Variants in DNAI7 observed in about 807,000 individuals in gnomAD.
DNAI7 encodes the protein cancer susceptibility 1.
Under a neutral mutation model 86.6 loss-of-function variants are expected in DNAI7, and 78 were observed. That is an observed-to-expected ratio of 0.90 (90% CI 0.75 to 1.09). DNAI7 has a LOEUF of 1.09. Among genes scored for constraint, DNAI7 ranks in the 50% least tolerant of loss-of-function variants. The pLI, the probability that DNAI7 is intolerant of heterozygous loss-of-function variation, is 0.00. For synonymous variants in DNAI7, 274 were observed against 273.0 expected (o/e 1.00, Z -0.04); for missense variants, 753 against 810.2 (o/e 0.93, Z 0.86).
At chr12:25,160,754 G>A (rs569568515) in intron 3 of DNAI7, among the ~76,000 whole-genome samples, 8 of 152,076 alleles carry the variant, frequency 5.3e-5, no homozygotes, top group Non-Finnish European at 1.0e-4. Flanking sequence ...TTTTATATTC[G>A]AGTGCTATTT....
In DNAI7 at chr12:25,174,489, C is replaced by CCCATATATATGGGATATATATATCAT. The variant is rs1948634507; in HGVS notation, c.22-13293_22-13292insATGATATATATATCCCATATATATGG. ...TATCATATATATGGGATATATATAT[C>CCCATATATATGGGATATATATATCAT]ATATATCCCATATATATGGGATATA... On this transcript the variant is annotated intron_variant, in intron 2 of 15. Coordinates refer to ENST00000395987, the MANE Select transcript of DNAI7 (RefSeq NM_018272.5). Among the ~76,000 whole-genome samples the CCCATATATATGGGATATATATATCAT allele has an allele frequency of 1.5e-3, 21 of 14,086 alleles. 6 individuals are homozygous for CCCATATATATGGGATATATATATCAT. Among genetic ancestry groups the CCCATATATATGGGATATATATATCAT allele is most frequent in the Admixed American group, 3.3e-3 (3 of 896 alleles). The allele number at this position is 14,086 out of a possible 152,430, so 9.2% of individuals were successfully genotyped here. A position where few individuals can be genotyped will look rare whatever the true frequency, so the allele number is the denominator to read the frequency against.
At chr12:25,174,660 A>C (rs1261249917) in intron 2 of DNAI7, among the ~76,000 whole-genome samples, 1 of 134,510 alleles carries the variant, frequency 7.4e-6, no homozygotes, top group African/African-American at 2.8e-5. Flanking sequence ...TAGATATCAT[A>C]TATATGGAAT....
At chr12:25,134,406 G>A (rs527465505) in intron 9 of DNAI7, among the ~76,000 whole-genome samples, 1 of 121,068 alleles carries the variant, frequency 8.3e-6, no homozygotes, top group South Asian at 2.7e-4. Context: ...GCCCAGGCTA[G>A]AGTGCAGCGG....
chr12:25,120,757 C>G (rs895964244), intron 11 of DNAI7, among the ~76,000 whole-genome samples: 12 of 152,006 alleles, frequency 7.9e-5, no homozygotes, highest in African/African-American at 2.7e-4. Flanking sequence ...ATAAATAAAC[C>G]AAGTCAATAA....
chr12:25,114,464 A>G (rs532048460), intron 13 of DNAI7, among the ~76,000 whole-genome samples, 192 bp downstream of exon 13: 1 of 152,282 alleles, frequency 6.6e-6, no homozygotes, highest in East Asian at 1.9e-4. Flanking sequence ...TTTACATGTT[A>G]TTGCCTATTT....
intron 2 of DNAI7, among the ~76,000 whole-genome samples, chr12:25,172,085 T>G (rs1249112990): frequency 6.6e-6 from 1 of 152,106 alleles, no homozygotes; most frequent in Non-Finnish European, 1.5e-5. Flanking sequence ...ACCACTCCTC[T>G]TCAACATGGT....
chr12:25,129,280 TTTC>T (rs376146992), intron 9 of DNAI7, among the ~76,000 whole-genome samples: 213 of 152,300 alleles, frequency 1.4e-3, no homozygotes, highest in African/African-American at 4.9e-3. Context: ...TTTTCTACTT[TTTC>T]TTATTTATTG....
chr12:25,124,465 G>C (rs907977024), intron 9 of DNAI7, among the ~76,000 whole-genome samples: 1 of 152,002 alleles, frequency 6.6e-6, no homozygotes, highest in African/African-American at 2.4e-5. Flanking sequence ...AGGGAAGCAA[G>C]TAAACAAATG....
chr12:25,122,726 T>C (rs1474936740), intron 10 of DNAI7, among the ~76,000 whole-genome samples: 3 of 152,184 alleles, frequency 2.0e-5, no homozygotes, highest in African/African-American at 7.2e-5. Flanking sequence ...CCCAGAAGTG[T>C]TGCGAGATTT....
rs544935232 is a variant in DNAI7 at position 25,139,110 on chromosome 12, A to C, written c.1002+5255T>G. ...GCACACAAACCAGAAAACTTAAAGG[A>C]GATGAATAGATTCCTGGAAATATAC... On this transcript the variant is annotated intron_variant, in intron 9 of 15. Coordinates refer to ENST00000395987, the MANE Select transcript of DNAI7 (RefSeq NM_018272.5). Among the ~76,000 whole-genome samples, 3 of 152,216 alleles carry C rather than the reference A, an allele frequency of 2.0e-5. No homozygotes were observed. In the East Asian group the frequency reaches 5.8e-4, roughly 29 times the overall value.
chr12:25,113,219 C>T (rs1939310747), intron 13 of DNAI7, among the ~76,000 whole-genome samples: 1 of 152,150 alleles, frequency 6.6e-6, no homozygotes, highest in South Asian at 2.1e-4. Context: ...TTTAAGGGCA[C>T]TTGCACACTA....
At chr12:25,183,374 A>G (rs753009365) in intron 2 of DNAI7, among the ~76,000 whole-genome samples, 3 of 151,902 alleles carry the variant, frequency 2.0e-5, no homozygotes, top group Non-Finnish European at 2.9e-5. Flanking sequence ...TATATTGGGT[A>G]ATGCTGGGAT....
chr12:25,148,118 A>G (rs902084230), intron 7 of DNAI7, among the ~76,000 whole-genome samples: 1 of 152,126 alleles, frequency 6.6e-6, no homozygotes, highest in African/African-American at 2.4e-5. Context: ...CACACTTTTT[A>G]TTTTCTGAAA....
chr12:25,158,843 TTCA>T (rs1389980219), intron 3 of DNAI7: 1 of 384,356 alleles, frequency 2.6e-6, no homozygotes, highest in Non-Finnish European at 4.7e-6. Context: ...TGAAAAAATG[TTCA>T]TCACCACTGG....
At chr12:25,164,926 C>A (rs1947285893) in intron 2 of DNAI7, among the ~76,000 whole-genome samples, 1 of 152,014 alleles carries the variant, frequency 6.6e-6, no homozygotes, top group South Asian at 2.1e-4. Context: ...CCGCGACTAG[C>A]CCTCCCCCAC....
chr12:25,138,975 A>C (rs2140761357), intron 9 of DNAI7, among the ~76,000 whole-genome samples: 1 of 152,232 alleles, frequency 6.6e-6, no homozygotes, highest in Non-Finnish European at 1.5e-5. Flanking sequence ...TTAACCAAGA[A>C]AAGAAGAGAG....
Position 25,147,124 on chromosome 12 carries a change from C to T in DNAI7, c.586-20G>A. On this transcript the variant is annotated intron_variant, in intron 7 of 15. Coordinates refer to ENST00000395987, the MANE Select transcript of DNAI7 (RefSeq NM_018272.5). ...AGCTTGCTGTAAGAGAAAAAGAAAA[C>T]ATTATAAAGGGCCACAGGCCTCATA... The T allele has an allele frequency of 7.9e-7, 1 of 1,267,778 alleles. No homozygotes were observed. The highest frequency in any genetic ancestry group is 1.2e-6 in the Non-Finnish European group (1 of 869,356). 78.5% of individuals were successfully genotyped at this position (1,267,778 alleles called of 1,614,324 possible). A position where few individuals can be genotyped will look rare whatever the true frequency, so the allele number is the denominator to read the frequency against.
At chr12:25,186,712 T>A (rs1950071092) in intron 2 of DNAI7, among the ~76,000 whole-genome samples, 1 of 152,032 alleles carries the variant, frequency 6.6e-6, no homozygotes, top group African/African-American at 2.4e-5. Flanking sequence ...TGGGAGTAGA[T>A]AACAGATAAG....
intron 3 of DNAI7, 194 bp from the exon 4 acceptor site, chr12:25,158,757 A>C (rs1946506411): frequency 7.4e-7 from 1 of 1,350,094 alleles, no homozygotes; most frequent in South Asian, 1.3e-5. Context: ...AAAATCAAAC[A>C]ACCCCATCAA....
Sources: allele counts gnomAD v4.1 joint callset (sites outside exome capture counted in the v4.1 genomes callset), GRCh38; gene constraint gnomAD v4.1.1; transcripts MANE v1.5; gene names NCBI Gene and HGNC (gene_info 2026-07-23, HGNC 2026-07-21).